Variants in FSTL4 observed in about 807,000 individuals in gnomAD.
FSTL4 encodes the protein follistatin-related protein 4.
Under a neutral mutation model 78.2 loss-of-function variants are expected in FSTL4, and 28 were observed. The ratio of observed to expected loss-of-function variants is 0.36; its 90% confidence interval spans 0.27 to 0.49. FSTL4 has a LOEUF of 0.49. FSTL4 is among the 20% of genes least tolerant of loss of function. FSTL4 has a pLI of 0.98. For missense variants in FSTL4, 922 were observed against 1,084.9 expected (o/e 0.85, Z 2.11); for synonymous variants, 422 against 440.5 (o/e 0.96, Z 0.53).
At chr5:133,660,441 C>T in the FSTL4 span, among the ~76,000 whole-genome samples, 1 of 152,244 alleles carries the variant, frequency 6.6e-6, no homozygotes, top group Non-Finnish European at 1.5e-5. Flanking sequence ...GTGGTGCCAG[C>T]AGCAAAGACT....
At chr5:133,486,960 C>G (rs565096310) in intron 3 of FSTL4, among the ~76,000 whole-genome samples, 3 of 152,208 alleles carry the variant, frequency 2.0e-5, no homozygotes, top group Non-Finnish European at 4.4e-5. Context: ...ACATGTGACA[C>G]TGGCAGGAGG....
intron 3 of FSTL4, among the ~76,000 whole-genome samples, chr5:133,531,058 ATTC>A (rs1051489669): frequency 6.6e-6 from 1 of 152,212 alleles, no homozygotes; most frequent in African/African-American, 2.4e-5. Context: ...TAGGGCCGAT[ATTC>A]TTCTTTGCCG....
At chr5:133,717,137 G>A in the FSTL4 span, among the ~76,000 whole-genome samples, 4 of 152,210 alleles carry the variant, frequency 2.6e-5, no homozygotes, top group Non-Finnish European at 5.9e-5. Context: ...AACGTTAGAA[G>A]CAATCCAAAT....
At chr5:133,529,369 G>A (rs1184065581) in intron 3 of FSTL4, among the ~76,000 whole-genome samples, 1 of 152,084 alleles carries the variant, frequency 6.6e-6, no homozygotes, top group African/African-American at 2.4e-5. Flanking sequence ...TTTTATTCAG[G>A]TGTCTCCTTC....
the FSTL4 span, among the ~76,000 whole-genome samples, chr5:133,747,143 C>T: frequency 6.6e-6 from 1 of 152,324 alleles, no homozygotes; most frequent in South Asian, 2.1e-4. Flanking sequence ...TGGACTTTCT[C>T]CTGCAGGCCT....
chr5:133,265,306 C>T (rs943319869), intron 6 of FSTL4, among the ~76,000 whole-genome samples: 1 of 152,198 alleles, frequency 6.6e-6, no homozygotes, highest in Non-Finnish European at 1.5e-5. Flanking sequence ...GGCCTTCCCC[C>T]GTCGCTGGCC....
chr5:133,442,898 C>T (rs1757187734), intron 3 of FSTL4, among the ~76,000 whole-genome samples: 1 of 152,196 alleles, frequency 6.6e-6, no homozygotes, highest in African/African-American at 2.4e-5. Context: ...CACACCATAC[C>T]TTCTTCAAAG....
chr5:133,361,958 T>C lies in FSTL4; in HGVS notation c.409+38780A>G, dbSNP rs556165441. ...TAATTATTTGAGCCTAGAACCTAACTCTAGTTATCCATGAATACAAAGTAT... is the reference window on the plus strand; with the variant it reads ...TAATTATTTGAGCCTAGAACCTAACCCTAGTTATCCATGAATACAAAGTAT... On this transcript the variant is annotated intron_variant, in intron 4 of 15. Transcript: ENST00000265342. This position sits in a 1 kb window ranked among gnomAD's most constrained non-coding sequence, Gnocchi z 4.3. 3.8e-4 allele frequency among the ~76,000 whole-genome samples: 58 copies of C among 152,368 alleles called. No homozygotes were observed. The highest frequency in any genetic ancestry group is 1.4e-3 in the African/African-American group (57 of 41,590).
chr5:133,672,704 T>C, the FSTL4 span, among the ~76,000 whole-genome samples: 1 of 152,208 alleles, frequency 6.6e-6, no homozygotes, highest in African/African-American at 2.4e-5. Context: ...AAGGAGGTTG[T>C]TCCTGCCACA....
chr5:133,394,641 T>C (rs1415019828), intron 4 of FSTL4, among the ~76,000 whole-genome samples: 1 of 152,146 alleles, frequency 6.6e-6, no homozygotes, highest in Non-Finnish European at 1.5e-5. Context: ...TCCCCACCAC[T>C]GTGGGCTCCT....
intron 3 of FSTL4, among the ~76,000 whole-genome samples, chr5:133,512,647 T>C (rs1017882063): frequency 1.3e-5 from 2 of 152,222 alleles, no homozygotes; most frequent in African/African-American, 4.8e-5. Flanking sequence ...AATTATGTAG[T>C]ATATTCTGTA....
intron 7 of FSTL4, among the ~76,000 whole-genome samples, chr5:133,237,853 CTTTT>C (rs11355354): frequency 7.0e-6 from 1 of 142,288 alleles, no homozygotes; most frequent in Non-Finnish European, 1.5e-5. Flanking sequence ...TTATGGATGG[CTTTT>C]TTTTTTTTTT....
the FSTL4 span, among the ~76,000 whole-genome samples, chr5:133,636,070 C>T: frequency 2.6e-5 from 4 of 152,132 alleles, no homozygotes; most frequent in African/African-American, 7.2e-5. Context: ...ATAATAGTCC[C>T]TCAATAAATG....
intron 3 of FSTL4, among the ~76,000 whole-genome samples, chr5:133,449,190 G>C (rs1757331336): frequency 6.6e-6 from 1 of 152,178 alleles, no homozygotes. Flanking sequence ...ATAGGCCTGG[G>C]GGGTAGGGTG....
intron 3 of FSTL4, among the ~76,000 whole-genome samples, chr5:133,490,707 T>C (rs1758250351): frequency 6.6e-6 from 1 of 152,246 alleles, no homozygotes. Context: ...TTTATTAATT[T>C]ATGATTTTGG....
At chr5:133,720,168 A>G in the FSTL4 span, among the ~76,000 whole-genome samples, 1 of 152,216 alleles carries the variant, frequency 6.6e-6, no homozygotes, top group African/African-American at 2.4e-5. Context: ...ACCCACTAAA[A>G]AAGGAGATGC....
rs1760921606 is a variant in FSTL4 at position 133,603,848 on chromosome 5, T to C, written c.126+10A>G. The C allele has an allele frequency of 6.2e-7, 1 of 1,613,444 alleles. No homozygotes were observed. The highest frequency in any genetic ancestry group is 1.3e-5 in the African/African-American group (1 of 74,904). On this transcript the variant is annotated intron_variant, in intron 2 of 15. Transcript: ENST00000265342. ...TTTGAAATGTTATGTCCGCAGGGAT[T>C]TGACTATACCTCTGCCTGTGACTCC...
At chr5:133,670,136 G>T in the FSTL4 span, among the ~76,000 whole-genome samples, 1 of 152,222 alleles carries the variant, frequency 6.6e-6, no homozygotes, top group African/African-American at 2.4e-5. Context: ...TCAGCTGAGA[G>T]AGAGGGATAT....
At chr5:133,757,274 G>T in the FSTL4 span, among the ~76,000 whole-genome samples, 2 of 152,148 alleles carry the variant, frequency 1.3e-5, no homozygotes, top group Admixed American at 1.3e-4. Context: ...CTAAGATGTT[G>T]TCATTTCAGT....
Sources: gnomAD v4.1 joint callset for allele counts (sites outside exome capture counted in the v4.1 genomes callset) on GRCh38, gnomAD v4.1.1 for gene constraint, Gnocchi (gnomAD v3.1) non-coding constraint, MANE v1.5 for transcripts, NCBI Gene and HGNC (gene_info 2026-07-23, HGNC 2026-07-21) for gene names.